Variants in FA2H observed in about 807,000 individuals in gnomAD.
FA2H encodes the protein fatty acid alpha-hydroxylase.
A neutral mutation model predicts 44.9 loss-of-function variants in FA2H; 22 were observed. That is an observed-to-expected ratio of 0.49 (90% CI 0.35 to 0.70). The LOEUF (loss-of-function observed/expected upper bound fraction) is 0.70, where lower values mean the gene tolerates loss of function less well. Among genes scored for constraint, FA2H ranks in the 30% least tolerant of loss-of-function variants. The pLI is 0.01. For missense variants in FA2H, 501 were observed against 504.9 expected (o/e 0.99, Z 0.07); for synonymous variants, 243 against 213.2 (o/e 1.14, Z -1.22).
chr16:74,719,712 TTTA>T (rs1320434249), intron 4 of FA2H, among the ~76,000 whole-genome samples: 1 of 152,060 alleles, frequency 6.6e-6, no homozygotes, highest in Non-Finnish European at 1.5e-5. Flanking sequence ...TAATTTTAAA[TTTA>T]TTTTTTATTT....
At chr16:74,771,453 G>A (rs1194764808) in intron 1 of FA2H, among the ~76,000 whole-genome samples, 2 of 151,776 alleles carry the variant, frequency 1.3e-5, no homozygotes, top group Non-Finnish European at 2.9e-5. Context: ...AGCCTCCCAA[G>A]CAGCTGGGAG....
At chr16:74,770,265 C>T (rs1345241821) in intron 1 of FA2H, among the ~76,000 whole-genome samples, 2 of 152,202 alleles carry the variant, frequency 1.3e-5, no homozygotes, top group Non-Finnish European at 2.9e-5. Flanking sequence ...TTGAGGCTTG[C>T]TAGAAGGGCT....
At chr16:74,766,840 T>C (rs1962817994) in intron 1 of FA2H, among the ~76,000 whole-genome samples, 1 of 152,164 alleles carries the variant, frequency 6.6e-6, no homozygotes, top group African/African-American at 2.4e-5. Context: ...ACAGAGTGCA[T>C]GATGCCCATA....
chr16:74,754,774 T>C (rs1426939448), intron 1 of FA2H, among the ~76,000 whole-genome samples: 2 of 152,108 alleles, frequency 1.3e-5, no homozygotes, highest in African/African-American at 4.8e-5. Flanking sequence ...GTGACCCTCC[T>C]GCCTCGGCCT....
At chr16:74,734,182 G>A (rs936333198) in intron 2 of FA2H, among the ~76,000 whole-genome samples, 38 of 152,242 alleles carry the variant, frequency 2.5e-4, no homozygotes, top group African/African-American at 8.9e-4. Context: ...GGGGAGAAGG[G>A]GAGATCAGGC....
intron 5 of FA2H, 120 bp downstream of exon 5, chr16:74,718,868 G>C (rs533146471): frequency 8.3e-7 from 1 of 1,205,122 alleles, no homozygotes; most frequent in Admixed American, 2.0e-5. Flanking sequence ...CAAACGTCCC[G>C]TCCCTCCCAA....
chr16:74,732,701 G>A (rs1043846454), intron 2 of FA2H, among the ~76,000 whole-genome samples: 11 of 152,120 alleles, frequency 7.2e-5, no homozygotes, highest in African/African-American at 2.4e-4. Context: ...CTCCCAAAGT[G>A]CTGGGATTAC....
Position 74,713,919 on chromosome 16 carries a change from G to A in FA2H, c.*271C>T. On this transcript the variant is annotated 3_prime_UTR_variant, in exon 7 of 7. Coordinates refer to ENST00000219368, the MANE Select transcript of FA2H (RefSeq NM_024306.5). Reference sequence around the variant, plus strand: ...CTACCTGTGGCCACGGCCTGAAGCAGTCCTGTGGGCTGAGCTCTAGGCAGG... The same window carrying A: ...CTACCTGTGGCCACGGCCTGAAGCAATCCTGTGGGCTGAGCTCTAGGCAGG... The A allele has an allele frequency of 1.0e-5, 5 of 497,492 alleles. No individual in the cohort carries two copies. The highest frequency in any genetic ancestry group is 1.8e-5 in the Non-Finnish European group (5 of 273,948). 30.8% of individuals were successfully genotyped at this position (497,492 alleles called of 1,614,324 possible).
intron 1 of FA2H, among the ~76,000 whole-genome samples, chr16:74,742,184 C>T (rs1962326421): frequency 6.6e-6 from 1 of 152,188 alleles, no homozygotes; most frequent in Non-Finnish European, 1.5e-5. Flanking sequence ...CTGCAAGCAG[C>T]CAACGTCTTC....
chr16:74,740,970 G>A (rs767030723), intron 1 of FA2H, among the ~76,000 whole-genome samples: 17 of 152,216 alleles, frequency 1.1e-4, no homozygotes, highest in Non-Finnish European at 1.3e-4. Flanking sequence ...ACACCCGAGT[G>A]CCAGTCAGCA....
chr16:74,714,374 A>G (rs1017719905), intron 6 of FA2H, 105 bp from the exon 7 acceptor site: 44 of 769,808 alleles, frequency 5.7e-5, no homozygotes, highest in Middle Eastern at 2.5e-4. Context: ...GACAATGTCA[A>G]TATCTGTCCC....
At chr16:74,729,164 C>A (rs1447004249) in intron 2 of FA2H, among the ~76,000 whole-genome samples, 2 of 152,174 alleles carry the variant, frequency 1.3e-5, no homozygotes, top group African/African-American at 4.8e-5. Context: ...GCACATGCCA[C>A]CTCGCCCGCT....
chr16:74,749,265 A>G lies in FA2H; in HGVS notation c.271-9150T>C, dbSNP rs189005577. On this transcript the variant is annotated intron_variant, in intron 1 of 6. Transcript: ENST00000219368. ...TCTGCCTTTCTAGATCCAATCCAGG[A>G]GTCAGGACCGGCCAGGAGCTGAGCT... Among the ~76,000 whole-genome samples the G allele has an allele frequency of 1.1e-3, 166 of 152,302 alleles. 1 individual carries two copies. Among genetic ancestry groups the G allele is most frequent in the African/African-American group, 3.7e-3 (152 of 41,560 alleles).
chr16:74,734,471 G>A (rs573313654), intron 2 of FA2H, among the ~76,000 whole-genome samples: 17 of 152,342 alleles, frequency 1.1e-4, no homozygotes, highest in Non-Finnish European at 1.8e-4. Flanking sequence ...GAGTGGATTC[G>A]GCCAAAGCAC....
chr16:74,739,867 A>C (rs893683533), intron 2 of FA2H, among the ~76,000 whole-genome samples, 156 bp downstream of exon 2: 49 of 152,122 alleles, frequency 3.2e-4, no homozygotes, highest in African/African-American at 1.2e-3. Flanking sequence ...TTGCTGTCCC[A>C]GGTCATGCCT....
intron 2 of FA2H, among the ~76,000 whole-genome samples, chr16:74,728,526 G>A (rs1200354918): frequency 2.6e-5 from 4 of 152,142 alleles, no homozygotes; most frequent in Non-Finnish European, 5.9e-5. Context: ...GAATATGGTT[G>A]TGGCCTTTCT....
intron 1 of FA2H, among the ~76,000 whole-genome samples, chr16:74,745,168 C>CA (rs1370813047): frequency 6.6e-6 from 1 of 152,226 alleles, no homozygotes; most frequent in Non-Finnish European, 1.5e-5. Flanking sequence ...GACAGCTTGA[C>CA]ACTCTTGTGT....
intron 1 of FA2H, among the ~76,000 whole-genome samples, chr16:74,763,871 G>C (rs564485958): frequency 2.6e-5 from 4 of 152,340 alleles, no homozygotes; most frequent in African/African-American, 7.2e-5. Context: ...TACTTTCTAT[G>C]CATCAGACTT....
intron 1 of FA2H, among the ~76,000 whole-genome samples, chr16:74,757,307 A>G (rs1962628800): frequency 6.6e-6 from 1 of 152,228 alleles, no homozygotes; most frequent in Admixed American, 6.5e-5. Context: ...CAATTTTTTC[A>G]TCCATTGACA....
Sources: allele counts gnomAD v4.1 joint callset (sites outside exome capture counted in the v4.1 genomes callset), GRCh38; gene constraint gnomAD v4.1.1; transcripts MANE v1.5; gene names NCBI Gene and HGNC (gene_info 2026-07-23, HGNC 2026-07-21).